Variants in CNTNAP2 observed in about 807,000 individuals in gnomAD.
The protein encoded by CNTNAP2 is contactin associated protein 2.
Under a neutral mutation model 155.2 loss-of-function variants are expected in CNTNAP2, and 98 were observed. The observed-to-expected ratio is 0.63, with a 90% CI of 0.54 to 0.75. The LOEUF (loss-of-function observed/expected upper bound fraction) is 0.75. CNTNAP2 is among the 30% of genes least tolerant of loss of function. The pLI is 0.00. For synonymous variants in CNTNAP2, 651 were observed against 631.2 expected, an observed-to-expected ratio of 1.03 and a Z score of -0.47; for missense variants, 1,727 against 1,688.1, an observed-to-expected ratio of 1.02 and a Z score of -0.40.
chr7:147,791,897 T>C (rs1323476552), intron 13 of CNTNAP2, among the ~76,000 whole-genome samples: 6 of 152,132 alleles, frequency 3.9e-5, no homozygotes, highest in African/African-American at 1.4e-4. Flanking sequence ...CCTCATCAAG[T>C]CTCCTCTTCC....
At chr7:146,741,565 A>G (rs183229698) in intron 1 of CNTNAP2, among the ~76,000 whole-genome samples, 237 of 152,330 alleles carry the variant, frequency 1.6e-3, no homozygotes, top group African/African-American at 5.4e-3. Flanking sequence ...CAGAGCACAG[A>G]GAATAATAGC....
chr7:147,733,802 G>GCA (rs1796789239), intron 13 of CNTNAP2, among the ~76,000 whole-genome samples: 1 of 151,996 alleles, frequency 6.6e-6, no homozygotes, highest in Non-Finnish European at 1.5e-5. Context: ...GAATTTACTT[G>GCA]TGATTTGGCT....
chr7:148,175,475 G>A (rs1257994278), intron 18 of CNTNAP2, among the ~76,000 whole-genome samples: 1 of 152,020 alleles, frequency 6.6e-6, no homozygotes, highest in Non-Finnish European at 1.5e-5. Context: ...TAATTATATT[G>A]TCCCTGAGAA....
In CNTNAP2 at chr7:146,654,149, TAAC is replaced by T. The variant is rs200020633; in HGVS notation, c.98-120119_98-120117del. ...CGAATGCATGGGGGTAGAACTCTAA[TAAC>T]AATGATGGACACGATGTCCTTGCAC... On this transcript the variant is annotated intron_variant, in intron 1 of 23. Transcript: ENST00000361727. Among the ~76,000 whole-genome samples the T allele has an allele frequency of 1.9e-3, 288 of 152,170 alleles. 8 individuals are homozygous for T. The East Asian group carries it at 0.038, about 20-fold the overall frequency.
chr7:147,627,241 T>A (rs575362085), intron 12 of CNTNAP2, among the ~76,000 whole-genome samples: 1 of 152,210 alleles, frequency 6.6e-6, no homozygotes, highest in East Asian at 1.9e-4. Context: ...GTAATTCTGG[T>A]AATGTAACAA....
At chr7:147,241,143 A>G (rs998437086) in intron 8 of CNTNAP2, among the ~76,000 whole-genome samples, 5 of 152,216 alleles carry the variant, frequency 3.3e-5, no homozygotes, top group African/African-American at 1.2e-4. Context: ...GCTTCAAGGT[A>G]CAAGAATGAA....
intron 15 of CNTNAP2, among the ~76,000 whole-genome samples, chr7:148,033,032 C>T (rs1802509115): frequency 6.6e-6 from 1 of 152,118 alleles, no homozygotes; most frequent in African/African-American, 2.4e-5. Context: ...CTCGGTGACT[C>T]TCCCATTCAC....
chr7:146,440,632 C>A (rs1398559859), intron 1 of CNTNAP2, among the ~76,000 whole-genome samples: 4 of 151,460 alleles, frequency 2.6e-5, no homozygotes, highest in African/African-American at 9.8e-5. Context: ...CCTAGCCCTC[C>A]ACCAAAACAA....
At chr7:148,017,975 GGTT>G (rs1460837031) in intron 15 of CNTNAP2, among the ~76,000 whole-genome samples, 2 of 152,150 alleles carry the variant, frequency 1.3e-5, no homozygotes, top group Non-Finnish European at 2.9e-5. Context: ...TTCTTGTGCA[GGTT>G]TTTCTAAAAC....
intron 12 of CNTNAP2, among the ~76,000 whole-genome samples, chr7:147,611,400 G>C (rs1209885449): frequency 6.6e-6 from 1 of 152,214 alleles, no homozygotes; most frequent in Non-Finnish European, 1.5e-5. Context: ...GGGAAGATTA[G>C]CTTGTCTAAG....
In CNTNAP2 at chr7:147,817,650, A is replaced by AT. The variant is rs1305677502; in HGVS notation, c.2099-85915_2099-85914insT. 7.2e-5 allele frequency among the ~76,000 whole-genome samples: 11 copies of AT among 152,090 alleles called. No homozygotes were observed. The East Asian group carries it at 1.4e-3, about 19-fold the overall frequency. On this transcript the variant is annotated intron_variant, in intron 13 of 23. Transcript: ENST00000361727. ...CCGGGCGTGGTGGCTCATGCCTGTA[A>AT]CCCAGCACTTTGGGAGGCCGAGGTG... is the stretch of plus-strand genomic sequence containing the variant.
intron 22 of CNTNAP2, among the ~76,000 whole-genome samples, chr7:148,402,634 T>C (rs1799614154): frequency 6.6e-6 from 1 of 152,148 alleles, no homozygotes; most frequent in Non-Finnish European, 1.5e-5. Context: ...CAGAATAAAA[T>C]GTAATAAAAC....
At chr7:147,219,461 A>AG (rs1297023993) in intron 8 of CNTNAP2, among the ~76,000 whole-genome samples, 1 of 152,176 alleles carries the variant, frequency 6.6e-6, no homozygotes, top group African/African-American at 2.4e-5. Flanking sequence ...TGATGTTCCG[A>AG]GGGCAAGAAG....
intron 8 of CNTNAP2, among the ~76,000 whole-genome samples, chr7:147,227,500 A>T (rs1318419753): frequency 6.6e-6 from 1 of 152,214 alleles, no homozygotes; most frequent in Non-Finnish European, 1.5e-5. Context: ...AGAAAATATT[A>T]CAAATATCCA....
intron 18 of CNTNAP2, among the ~76,000 whole-genome samples, chr7:148,207,086 C>T (rs1795462151): frequency 6.6e-6 from 1 of 152,196 alleles, no homozygotes; most frequent in East Asian, 1.9e-4. Context: ...ATCATGTTTG[C>T]TTTTGTCATC....
chr7:148,038,210 A>T (rs1230564317), intron 15 of CNTNAP2, among the ~76,000 whole-genome samples: 1 of 152,232 alleles, frequency 6.6e-6, no homozygotes, highest in Non-Finnish European at 1.5e-5. Context: ...AAGGCAATTC[A>T]GTCTGATGCC....
intron 3 of CNTNAP2, among the ~76,000 whole-genome samples, chr7:146,987,334 T>G (rs1798130775): frequency 6.6e-6 from 1 of 152,154 alleles, no homozygotes; most frequent in Non-Finnish European, 1.5e-5. Context: ...ATTAAGAAAT[T>G]CATTAATTAG....
At chr7:147,286,241 CAT>C (rs1805171411) in intron 8 of CNTNAP2, among the ~76,000 whole-genome samples, 1 of 151,828 alleles carries the variant, frequency 6.6e-6, no homozygotes, top group African/African-American at 2.4e-5. Context: ...TTATCTGAAA[CAT>C]ATATGGGACA....
intron 1 of CNTNAP2, among the ~76,000 whole-genome samples, chr7:146,190,579 G>A (rs1312682669): frequency 6.6e-6 from 1 of 152,084 alleles, no homozygotes. Context: ...TTCAAAATAA[G>A]AGTGTCCACC....
Sources: allele counts gnomAD v4.1 joint callset (sites outside exome capture counted in the v4.1 genomes callset), GRCh38; gene constraint gnomAD v4.1.1; transcripts MANE v1.5; gene names NCBI Gene and HGNC (gene_info 2026-07-23, HGNC 2026-07-21).